SESTD1: variants seen among roughly 807,000 people sequenced by gnomAD.
The protein encoded by SESTD1 is SEC14 domain and spectrin repeat-containing protein 1.
A neutral mutation model predicts 101.7 loss-of-function variants in SESTD1; 43 were observed. The ratio of observed to expected loss-of-function variants is 0.42; its 90% confidence interval spans 0.33 to 0.55. SESTD1 has a LOEUF of 0.55. SESTD1 is among the 20% of genes least tolerant of loss of function. The probability of loss-of-function intolerance (pLI) is 0.07; values close to 1 mark genes in which losing one functional copy is unlikely to be tolerated. For synonymous variants in SESTD1, 283 were observed against 286.8 expected, an observed-to-expected ratio of 0.99 and a Z score of 0.13; for missense variants, 647 against 815.1, an observed-to-expected ratio of 0.79 and a Z score of 2.51.
chr2:179,178,443 A>G (rs2046049242), intron 3 of SESTD1, among the ~76,000 whole-genome samples: 1 of 152,132 alleles, frequency 6.6e-6, no homozygotes, highest in Non-Finnish European at 1.5e-5. Context: ...CCAGCATGGG[A>G]GACCAGCAAG....
intron 1 of SESTD1, among the ~76,000 whole-genome samples, chr2:179,261,738 G>A (rs969853877): frequency 2.0e-5 from 3 of 151,734 alleles, no homozygotes; most frequent in African/African-American, 7.3e-5. Flanking sequence ...AATGTAGAAG[G>A]GTTACCCTAG....
At chr2:179,190,095 C>A (rs1350129833) in intron 2 of SESTD1, among the ~76,000 whole-genome samples, 1 of 152,040 alleles carries the variant, frequency 6.6e-6, no homozygotes, top group Non-Finnish European at 1.5e-5. Flanking sequence ...TTAGCTACAG[C>A]AATTCTAAGC....
rs1384294509 is a variant in SESTD1 at position 179,172,237 on chromosome 2, T to A, written c.256-4A>T. On this transcript the variant is annotated splice_polypyrimidine_tract_variant and splice_region_variant and intron_variant, in intron 4 of 17. Coordinates refer to ENST00000428443, the MANE Select transcript of SESTD1 (RefSeq NM_178123.5). ...ACACCTCAGCTGGAACAACATTCTA[T>A]AAAATACAGAAAAATAATTACAAAT... The A allele has an allele frequency of 6.4e-7, 1 of 1,553,816 alleles. No homozygotes were observed. Among genetic ancestry groups the A allele is most frequent in the Non-Finnish European group, 8.8e-7 (1 of 1,137,360 alleles).
intron 1 of SESTD1, among the ~76,000 whole-genome samples, chr2:179,197,827 A>T (rs902264186): frequency 6.6e-6 from 1 of 152,224 alleles, no homozygotes; most frequent in African/African-American, 2.4e-5. Context: ...CATGGAAAGG[A>T]ACAACCGGTA....
At chr2:179,164,817 G>GTA (rs1410652981) in intron 5 of SESTD1, among the ~76,000 whole-genome samples, 1 of 152,194 alleles carries the variant, frequency 6.6e-6, no homozygotes, top group African/African-American at 2.4e-5. Context: ...ACCACTGGGT[G>GTA]TATACTTGAT....
chr2:179,251,224 G>C (rs2047312649), intron 1 of SESTD1, among the ~76,000 whole-genome samples: 1 of 152,126 alleles, frequency 6.6e-6, no homozygotes, highest in African/African-American at 2.4e-5. Flanking sequence ...CAAAACTATA[G>C]AAATTGGAGA....
At position 179,213,770 on chromosome 2, in the gene SESTD1, G is replaced by A. The variant is rs2046681896; in HGVS notation, c.-25-21904C>T. Among the ~76,000 whole-genome samples the A allele has an allele frequency of 1.5e-5, 2 of 134,050 alleles. 1 individual carries two copies. The highest frequency in any genetic ancestry group is 5.7e-4 in the South Asian group (2 of 3,538). 87.9% of individuals were successfully genotyped at this position (134,050 alleles called of 152,430 possible). Reference sequence around the variant, plus strand: ...AGAGAAAGGTTGGGTTACCCACAAAGGATGGAATCTCCTGGCAGAAACCCT... The same window carrying A: ...AGAGAAAGGTTGGGTTACCCACAAAAGATGGAATCTCCTGGCAGAAACCCT... On this transcript the variant is annotated intron_variant, in intron 1 of 17. Coordinates refer to ENST00000428443, the MANE Select transcript of SESTD1 (RefSeq NM_178123.5).
chr2:179,173,934 T>C (rs1409798990), intron 4 of SESTD1, among the ~76,000 whole-genome samples: 1 of 152,110 alleles, frequency 6.6e-6, no homozygotes, highest in African/African-American at 2.4e-5. Context: ...TTATTACTAT[T>C]CAGGGAAAAA....
In SESTD1 at chr2:179,238,635, T is replaced by C. The variant is rs143984911; in HGVS notation, c.-26+25864A>G. ...AAACTTATTGCTCAATAAATTACTA[T>C]GTGTAGGGAAAAAGGTCAGTGTTAT... On this transcript the variant is annotated intron_variant, in intron 1 of 17. Coordinates refer to ENST00000428443, the MANE Select transcript of SESTD1 (RefSeq NM_178123.5). Among the ~76,000 whole-genome samples the C allele has an allele frequency of 4.1e-3, 630 of 152,212 alleles. 8 individuals carry two copies. The highest frequency in any genetic ancestry group is 0.014 in the African/African-American group (595 of 41,546).
chr2:179,260,388 T>C (rs1243946347), intron 1 of SESTD1, among the ~76,000 whole-genome samples: 1 of 152,128 alleles, frequency 6.6e-6, no homozygotes, highest in Non-Finnish European at 1.5e-5. Context: ...TGGTGGCACA[T>C]GCCTGTACTC....
chr2:179,188,174 C>A (rs2046262896), intron 2 of SESTD1, among the ~76,000 whole-genome samples: 1 of 152,266 alleles, frequency 6.6e-6, no homozygotes, highest in Admixed American at 6.5e-5. Flanking sequence ...CAACCACAGG[C>A]TCAGCCATAA....
intron 1 of SESTD1, among the ~76,000 whole-genome samples, chr2:179,200,330 A>G (rs2046486477): frequency 6.6e-6 from 1 of 152,186 alleles, no homozygotes; most frequent in Non-Finnish European, 1.5e-5. Context: ...CAATATCGTG[A>G]AAATGGCCAT....
intron 12 of SESTD1, 94 bp from the exon 13 acceptor site, chr2:179,122,023 C>T: frequency 7.8e-7 from 1 of 1,288,272 alleles, no homozygotes; most frequent in Non-Finnish European, 1.0e-6. Context: ...TACCTGGATC[C>T]CAAGTATAGG....
chr2:179,211,174 T>C lies in SESTD1; in HGVS notation c.-25-19308A>G, dbSNP rs568759188. ...AAAAGAAATCATAGACACAAACAAA[T>C]GGAAACACATCCCATGCTCACGGAT... On this transcript the variant is annotated intron_variant, in intron 1 of 17. Coordinates refer to ENST00000428443, the MANE Select transcript of SESTD1 (RefSeq NM_178123.5). Among the ~76,000 whole-genome samples, 4 of 130,662 alleles carry C rather than the reference T, an allele frequency of 3.1e-5. 1 individual carries two copies. The highest frequency in any genetic ancestry group is 3.3e-5 in the Non-Finnish European group (2 of 61,372). 85.7% of individuals were successfully genotyped at this position (130,662 alleles called of 152,430 possible).
At chr2:179,142,535 C>T (rs1419969831) in intron 9 of SESTD1, among the ~76,000 whole-genome samples, 2 of 152,142 alleles carry the variant, frequency 1.3e-5, no homozygotes, top group African/African-American at 4.8e-5. Flanking sequence ...TGGGATCATG[C>T]TCTATGACTC....
intron 5 of SESTD1, among the ~76,000 whole-genome samples, chr2:179,156,876 T>C (rs1046763606): frequency 6.6e-6 from 1 of 152,250 alleles, no homozygotes; most frequent in African/African-American, 2.4e-5. Context: ...TTTTGGATTC[T>C]TGGTCATGAA....
chr2:179,195,849 TA>T lies in SESTD1; in HGVS notation c.-25-3984del, dbSNP rs779869254. Among the ~76,000 whole-genome samples the T allele has an allele frequency of 3.9e-3, 540 of 136,944 alleles. 1 individual carries two copies. The highest frequency in any genetic ancestry group is 6.5e-3 in the African/African-American group (241 of 37,150). 89.8% of individuals were successfully genotyped at this position (136,944 alleles called of 152,430 possible). A position where few individuals can be genotyped will look rare whatever the true frequency, so the allele number is the denominator to read the frequency against. On this transcript the variant is annotated intron_variant, in intron 1 of 17. Coordinates refer to ENST00000428443, the MANE Select transcript of SESTD1 (RefSeq NM_178123.5). ...GGCATTTTGGGAAAGGAAGGTTATT[TA>T]AAAAAAAAAAAAGACTTCGTATGAG...
chr2:179,218,436 T>C lies in SESTD1; in HGVS notation c.-25-26570A>G, dbSNP rs181211825. Among the ~76,000 whole-genome samples, 19 of 152,316 alleles carry C rather than the reference T, an allele frequency of 1.2e-4. No individual in the cohort carries two copies. In the East Asian group the frequency reaches 3.3e-3, roughly 26 times the overall value. On this transcript the variant is annotated intron_variant, in intron 1 of 17. Transcript: ENST00000428443. ...TTAAAGCAGCACCTATTTTAAGTCATAGTTCATTAAATAGAAAAGAGGCGG... is the reference window on the plus strand; with the variant it reads ...TTAAAGCAGCACCTATTTTAAGTCACAGTTCATTAAATAGAAAAGAGGCGG...
chr2:179,150,757 T>C (rs1287799091), intron 6 of SESTD1, among the ~76,000 whole-genome samples: 2 of 151,696 alleles, frequency 1.3e-5, no homozygotes, highest in African/African-American at 4.8e-5. Flanking sequence ...GAGGCGGAGG[T>C]TGCAGTGAGC....
Sources: allele counts gnomAD v4.1 joint callset (sites outside exome capture counted in the v4.1 genomes callset), GRCh38; gene constraint gnomAD v4.1.1; transcripts MANE v1.5; gene names NCBI Gene and HGNC (gene_info 2026-07-23, HGNC 2026-07-21).